The following NUBPL variants were observed in gnomAD, a reference collection of about 807,000 sequenced individuals.
The protein encoded by NUBPL is iron-sulfur cluster transfer protein NUBPL.
NUBPL carries 31 observed loss-of-function variants against 45.7 expected under a neutral mutation model. The ratio of observed to expected loss-of-function variants is 0.68; its 90% CI spans 0.51 to 0.92. The LOEUF (loss-of-function observed/expected upper bound fraction) is 0.92, where lower values mean the gene tolerates loss of function less well. NUBPL is among the 40% of genes least tolerant of loss of function. NUBPL has a pLI of 0.00. For missense variants in NUBPL, 401 were observed against 398.7 expected, an observed-to-expected ratio of 1.01 and a Z score of -0.05; for synonymous variants, 144 against 140.9, an observed-to-expected ratio of 1.02 and a Z score of -0.15.
At chr14:31,838,917 A>G (rs1385284340) in intron 8 of NUBPL, among the ~76,000 whole-genome samples, 1 of 152,202 alleles carries the variant, frequency 6.6e-6, no homozygotes, top group Non-Finnish European at 1.5e-5. Context: ...TTGTGGGTCT[A>G]TAGCCCTACC....
chr14:31,621,961 A>C (rs1223803043), intron 4 of NUBPL, among the ~76,000 whole-genome samples: 7 of 152,190 alleles, frequency 4.6e-5, no homozygotes, highest in Non-Finnish European at 7.3e-5. Flanking sequence ...GATATGGGAA[A>C]GTTTAGAACT....
intron 7 of NUBPL, among the ~76,000 whole-genome samples, chr14:31,824,147 G>A (rs1288717843): frequency 6.6e-6 from 1 of 152,102 alleles, no homozygotes; most frequent in Non-Finnish European, 1.5e-5. Context: ...ATCATGTCAA[G>A]TGTCTGTGTG....
chr14:31,627,410 T>C (rs1050991269), intron 4 of NUBPL, among the ~76,000 whole-genome samples: 1 of 152,054 alleles, frequency 6.6e-6, no homozygotes, highest in African/African-American at 2.4e-5. Flanking sequence ...CTTCAGCTTG[T>C]ACTGAGTATT....
chr14:31,571,057 A>G (rs1355421352), intron 3 of NUBPL, among the ~76,000 whole-genome samples: 2 of 152,184 alleles, frequency 1.3e-5, no homozygotes, highest in African/African-American at 4.8e-5. Context: ...AATGGCTTCT[A>G]TGCTCTAGCT....
chr14:31,849,263 T>C (rs538042014), intron 9 of NUBPL, among the ~76,000 whole-genome samples: 3 of 152,338 alleles, frequency 2.0e-5, no homozygotes, highest in African/African-American at 7.2e-5. Context: ...CACGTATGTT[T>C]TAATAACTTT....
intron 7 of NUBPL, among the ~76,000 whole-genome samples, chr14:31,815,965 A>G (rs1225869424): frequency 6.6e-6 from 1 of 152,024 alleles, no homozygotes; most frequent in African/African-American, 2.4e-5. Context: ...TTTTGCATTG[A>G]TGTTCATCAG....
At chr14:31,589,586 G>A (rs1219825849) in intron 3 of NUBPL, among the ~76,000 whole-genome samples, 1 of 151,944 alleles carries the variant, frequency 6.6e-6, no homozygotes, top group Non-Finnish European at 1.5e-5. Flanking sequence ...TATAATAGAG[G>A]GGTGAAAGTG....
chr14:31,761,963 G>A (rs1290791569), intron 6 of NUBPL, among the ~76,000 whole-genome samples: 2 of 152,138 alleles, frequency 1.3e-5, no homozygotes, highest in East Asian at 3.8e-4. Flanking sequence ...TTTCCTAGGT[G>A]CCTTTACATT....
intron 3 of NUBPL, among the ~76,000 whole-genome samples, chr14:31,595,478 G>A (rs775903404): frequency 3.9e-5 from 6 of 152,026 alleles, no homozygotes; most frequent in South Asian, 2.1e-4. Context: ...GCAAATATTC[G>A]TTTGAATCTG....
At position 31,561,497 on chromosome 14, in the gene NUBPL, G is replaced by T; in HGVS notation, c.58G>T (p.Gly20Trp). 7.2e-7 allele frequency: 1 copy of T among 1,397,180 alleles called. No homozygotes were observed. Among genetic ancestry groups the T allele is most frequent in the South Asian group, 1.9e-5 (1 of 53,882 alleles). 86.5% of individuals were successfully genotyped at this position (1,397,180 alleles called of 1,614,324 possible). The change falls in exon 1 of 11, where the codon GGG becomes TGG. Residue 20 changes from glycine to tryptophan, a missense_variant. By Grantham distance (184) the Gly-to-Trp change is radical. Transcript: ENST00000281081. The part of the protein sequence containing the change: ...FGGVSLRAGG[G>W]ATAPLGGSRA... ...TGGGGTGTCGCTCCGGGCTGGTGGC[G>T]GGGCCACTGCCCCGCTTGGGGGAAG... is the stretch of plus-strand genomic sequence containing the variant.
intron 6 of NUBPL, among the ~76,000 whole-genome samples, chr14:31,692,231 T>C (rs2037110583): frequency 6.6e-6 from 1 of 152,238 alleles, no homozygotes; most frequent in Non-Finnish European, 1.5e-5. Context: ...AATGAATAAC[T>C]GATAATTTAA....
intron 4 of NUBPL, among the ~76,000 whole-genome samples, chr14:31,603,314 A>C (rs757115376): frequency 6.6e-6 from 1 of 151,156 alleles, no homozygotes; most frequent in Non-Finnish European, 1.5e-5. Flanking sequence ...AAAAAAAAAA[A>C]AAAGAAAAAG....
chr14:31,673,114 A>G (rs1000209872), intron 4 of NUBPL, among the ~76,000 whole-genome samples: 19 of 152,208 alleles, frequency 1.2e-4, no homozygotes, highest in Admixed American at 3.9e-4. Flanking sequence ...AAATGTTTTT[A>G]CTGCAAAGAA....
intron 7 of NUBPL, among the ~76,000 whole-genome samples, chr14:31,806,652 G>A (rs186195845): frequency 3.6e-4 from 54 of 151,784 alleles, no homozygotes; most frequent in African/African-American, 1.2e-3. Context: ...TAAGTTCTAG[G>A]GTACATGTGC....
chr14:31,854,627 A>G (rs1340465311), intron 10 of NUBPL, among the ~76,000 whole-genome samples: 3 of 152,214 alleles, frequency 2.0e-5, no homozygotes, highest in Non-Finnish European at 2.9e-5. Flanking sequence ...GCTAGATATA[A>G]TTATTATAAC....
intron 4 of NUBPL, among the ~76,000 whole-genome samples, chr14:31,630,280 T>A (rs2035308295): frequency 6.6e-6 from 1 of 152,170 alleles, no homozygotes; most frequent in African/African-American, 2.4e-5. Flanking sequence ...TTTGGGCAAG[T>A]TGACTTAAAC....
chr14:31,622,620 C>T lies in NUBPL; in HGVS notation c.382+23241C>T, dbSNP rs544838025. ...TCTAGCTCCAGCTGTGGCTAAAAGA[C>T]GCCAAGGTATGGCTCAGGCCATTCT... On this transcript the variant is annotated intron_variant, in intron 4 of 10. Coordinates refer to ENST00000281081, the MANE Select transcript of NUBPL (RefSeq NM_025152.3). Among the ~76,000 whole-genome samples the T allele has an allele frequency of 1.5e-4, 23 of 152,354 alleles. No individual in the cohort carries two copies. In the East Asian group the frequency reaches 3.7e-3, roughly 24 times the overall value.
intron 7 of NUBPL, among the ~76,000 whole-genome samples, chr14:31,801,698 A>G (rs1312867405): frequency 6.6e-6 from 1 of 152,222 alleles, no homozygotes; most frequent in African/African-American, 2.4e-5. Context: ...TTTATTAAGT[A>G]AAGATTGATA....
At chr14:31,699,713 G>GTATTTTATACA (rs2037291325) in intron 6 of NUBPL, among the ~76,000 whole-genome samples, 1 of 152,014 alleles carries the variant, frequency 6.6e-6, no homozygotes, top group Non-Finnish European at 1.5e-5. Context: ...TATTTTATAC[G>GTATTTTATACA]TTGTATTTTA....
Sources: allele counts gnomAD v4.1 joint callset (sites outside exome capture counted in the v4.1 genomes callset), GRCh38; gene constraint gnomAD v4.1.1; transcripts MANE v1.5; gene names NCBI Gene and HGNC (gene_info 2026-07-23, HGNC 2026-07-21).